Variants in PPP2R2B observed in about 807,000 individuals in gnomAD.
The protein encoded by PPP2R2B is serine/threonine-protein phosphatase 2A 55 kDa regulatory subunit B beta isoform.
Under a neutral mutation model 46.0 loss-of-function variants are expected in PPP2R2B, and 5 were observed. The ratio of observed to expected loss-of-function variants is 0.11; its 90% CI spans 0.06 to 0.23. The LOEUF (loss-of-function observed/expected upper bound fraction) is 0.23, where lower values mean the gene tolerates loss of function less well. Ranked by LOEUF, PPP2R2B falls within the 10% of genes least tolerant of loss-of-function variation. The pLI is 1.00. For missense variants in PPP2R2B, 367 were observed against 575.0 expected, an observed-to-expected ratio of 0.64 and a Z score of 3.70; for synonymous variants, 215 against 206.7, an observed-to-expected ratio of 1.04 and a Z score of -0.34.
intron 2 of PPP2R2B, among the ~76,000 whole-genome samples, chr5:146,737,579 C>A (rs77091403): frequency 0.022 from 3,379 of 152,224 alleles, 60 homozygotes; most frequent in Middle Eastern, 0.048. Context: ...AAAGCTTGTA[C>A]TTTTTGATCC....
chr5:146,650,760 A>AC, intron 5 of PPP2R2B, 36 bp from the exon 6 acceptor site: 1 of 1,582,232 alleles, frequency 6.3e-7, no homozygotes, highest in Non-Finnish European at 8.6e-7. Context: ...TTCAGAACCA[A>AC]AGATCTTCCA....
chr5:146,994,288 G>A (rs535062698), intron 1 of PPP2R2B, among the ~76,000 whole-genome samples: 7 of 152,206 alleles, frequency 4.6e-5, no homozygotes, highest in South Asian at 2.1e-4. Flanking sequence ...AATAACTTGC[G>A]TAACCCAGCA....
intron 1 of PPP2R2B, among the ~76,000 whole-genome samples, chr5:146,884,840 A>AT (rs1190007879): frequency 2.0e-5 from 3 of 152,216 alleles, no homozygotes; most frequent in African/African-American, 7.2e-5. Context: ...TCAAAGTAAA[A>AT]TTTTAGTATA....
intron 1 of PPP2R2B, among the ~76,000 whole-genome samples, chr5:146,964,305 T>C (rs1292330912): frequency 6.6e-6 from 1 of 152,212 alleles, no homozygotes; most frequent in African/African-American, 2.4e-5. Flanking sequence ...AGTTTGAGGT[T>C]AAACAATTTT....
intron 1 of PPP2R2B, among the ~76,000 whole-genome samples, chr5:146,994,714 G>A (rs1286150926): frequency 6.6e-6 from 1 of 152,152 alleles, no homozygotes; most frequent in African/African-American, 2.4e-5. Flanking sequence ...TTCAGATGCT[G>A]ATGTTTGGCA....
chr5:146,908,435 A>G (rs1218425514), intron 1 of PPP2R2B, among the ~76,000 whole-genome samples: 2 of 151,982 alleles, frequency 1.3e-5, no homozygotes, highest in African/African-American at 4.8e-5. Context: ...TTCTTTCAAT[A>G]TGTATATTTT....
chr5:146,773,908 T>C (rs1391465607), intron 2 of PPP2R2B, among the ~76,000 whole-genome samples: 1 of 152,142 alleles, frequency 6.6e-6, no homozygotes, highest in African/African-American at 2.4e-5. Context: ...CCATCTCTTC[T>C]CCCAAATACC....
intron 6 of PPP2R2B, among the ~76,000 whole-genome samples, chr5:146,647,611 C>T (rs1003663707): frequency 6.6e-6 from 1 of 152,234 alleles, no homozygotes; most frequent in Non-Finnish European, 1.5e-5. Context: ...ATAACCTAAA[C>T]TGCGCTGTTA....
chr5:146,818,914 A>G (rs909643218), intron 2 of PPP2R2B, among the ~76,000 whole-genome samples: 1 of 152,202 alleles, frequency 6.6e-6, no homozygotes, highest in African/African-American at 2.4e-5. Context: ...AAGGCCTGCA[A>G]AAGTTTCTGA....
intron 6 of PPP2R2B, among the ~76,000 whole-genome samples, chr5:146,645,062 C>T (rs1172554865): frequency 1.3e-5 from 2 of 152,162 alleles, no homozygotes; most frequent in African/African-American, 2.4e-5. Flanking sequence ...GGTAAAGTAC[C>T]CACATTCAAA....
chr5:146,719,804 A>G (rs1415217655), intron 2 of PPP2R2B, among the ~76,000 whole-genome samples: 1 of 127,044 alleles, frequency 7.9e-6, no homozygotes, highest in South Asian at 2.3e-4. Context: ...ATGAGTTTCT[A>G]TCATCTAAAA....
chr5:146,774,402 G>A (rs1755047977), intron 2 of PPP2R2B, among the ~76,000 whole-genome samples: 1 of 151,972 alleles, frequency 6.6e-6, no homozygotes, highest in Non-Finnish European at 1.5e-5. Context: ...AAAGGTTCTT[G>A]GATCCAGATT....
At chr5:147,007,882 CACT>C (rs1754520751) in intron 1 of PPP2R2B, among the ~76,000 whole-genome samples, 1 of 152,168 alleles carries the variant, frequency 6.6e-6, no homozygotes, top group African/African-American at 2.4e-5. Context: ...AGAACTGTAA[CACT>C]CACTGTGAGG....
chr5:146,712,413 T>C (rs1780263048), intron 2 of PPP2R2B, among the ~76,000 whole-genome samples: 1 of 152,186 alleles, frequency 6.6e-6, no homozygotes, highest in African/African-American at 2.4e-5. Flanking sequence ...GTGTTGATTT[T>C]CATCAGCAGC....
At chr5:146,761,107 G>C (rs907922205) in intron 2 of PPP2R2B, among the ~76,000 whole-genome samples, 2 of 152,244 alleles carry the variant, frequency 1.3e-5, no homozygotes, top group East Asian at 3.9e-4. Flanking sequence ...TCAGTGTGGC[G>C]ATTCCTCAGG....
intron 1 of PPP2R2B, among the ~76,000 whole-genome samples, chr5:146,947,282 T>C (rs1023796646): frequency 6.6e-6 from 1 of 152,166 alleles, no homozygotes; most frequent in African/African-American, 2.4e-5. Flanking sequence ...TATCTCTTCA[T>C]TATTCTACCT....
intron 1 of PPP2R2B, among the ~76,000 whole-genome samples, chr5:147,028,540 G>A (rs546018375): frequency 4.6e-5 from 7 of 152,220 alleles, no homozygotes; most frequent in Non-Finnish European, 8.8e-5. Flanking sequence ...ATTCTTGTAA[G>A]CTGTCCTTTG....
At chr5:146,623,850 G>A (rs1409013161) in intron 7 of PPP2R2B, among the ~76,000 whole-genome samples, 2 of 152,168 alleles carry the variant, frequency 1.3e-5, no homozygotes. Context: ...CACTGATGGG[G>A]CTGGAAGCTG....
At chr5:146,902,558 C>G (rs1436724414) in intron 1 of PPP2R2B, among the ~76,000 whole-genome samples, 2 of 152,176 alleles carry the variant, frequency 1.3e-5, no homozygotes, top group Non-Finnish European at 2.9e-5. Flanking sequence ...AGGTCTGGCT[C>G]TAGATATACA....
Sources: gnomAD v4.1 joint callset for allele counts (sites outside exome capture counted in the v4.1 genomes callset) on GRCh38, gnomAD v4.1.1 for gene constraint, MANE v1.5 for transcripts, NCBI Gene and HGNC (gene_info 2026-07-23, HGNC 2026-07-21) for gene names.